SPOPL: variants seen among roughly 807,000 people sequenced by gnomAD.
The protein encoded by SPOPL is speckle type BTB/POZ protein like, also known as speckle-type POZ protein-like.
Under a neutral mutation model 53.8 loss-of-function variants are expected in SPOPL, and 23 were observed. That is an observed-to-expected ratio of 0.43 (90% CI 0.31 to 0.61). SPOPL has a LOEUF of 0.61. SPOPL is among the 20% of genes least tolerant of loss of function. The pLI is 0.12. For synonymous variants in SPOPL, 164 were observed against 149.7 expected (o/e 1.10, Z -0.70); for missense variants, 442 against 466.9 (o/e 0.95, Z 0.49).
chr2:138,555,131 GGT>G (rs61000380), intron 5 of SPOPL, among the ~76,000 whole-genome samples: 9,670 of 140,066 alleles, frequency 0.069, 643 homozygotes, highest in East Asian at 0.29. Flanking sequence ...AGGGTAGGAG[GGT>G]GTGTGTGTGT....
chr2:138,523,646 C>A (rs1684605826), intron 1 of SPOPL, among the ~76,000 whole-genome samples: 1 of 152,108 alleles, frequency 6.6e-6, no homozygotes, highest in African/African-American at 2.4e-5. Flanking sequence ...ATAGCTGTTC[C>A]AAATGGGAGA....
intron 1 of SPOPL, among the ~76,000 whole-genome samples, chr2:138,548,239 CTTTTTT>C (rs34021497): frequency 1.1e-5 from 1 of 89,016 alleles, no homozygotes; most frequent in Non-Finnish European, 2.3e-5. Flanking sequence ...TGAAGGTAAA[CTTTTTT>C]TTTTTTTTTT....
intron 5 of SPOPL, among the ~76,000 whole-genome samples, chr2:138,554,700 A>G (rs1029272513): frequency 4.6e-5 from 7 of 152,220 alleles, no homozygotes; most frequent in African/African-American, 1.7e-4. Flanking sequence ...TAAGTAGGAA[A>G]ACTAGAAAAC....
chr2:138,559,181 C>G lies in SPOPL; in HGVS notation c.640C>G (p.His214Asp). ...CGTGAGAGGACAAGAATTTAAAGCTCATAAATCTGTGCTTGCAGGTACTTT... is the reference window on the plus strand; with the variant it reads ...CGTGAGAGGACAAGAATTTAAAGCTGATAAATCTGTGCTTGCAGGTACTTT... ...FFVRGQEFKA[H>D]KSVLAARSPV... The change falls in exon 6 of 11, where the codon CAT becomes GAT. Residue 214 changes from histidine to aspartate, a missense_variant. Physicochemically the swap from His to Asp is moderately conservative, Grantham distance 81. Coordinates refer to ENST00000280098, the MANE Select transcript of SPOPL (RefSeq NM_001001664.3). The G allele has an allele frequency of 6.2e-7, 1 of 1,613,516 alleles. No individual in the cohort carries two copies. Among genetic ancestry groups the G allele is most frequent in the South Asian group, 1.1e-5 (1 of 91,010 alleles).
intron 1 of SPOPL, among the ~76,000 whole-genome samples, chr2:138,504,451 C>G (rs1684171038): frequency 6.6e-6 from 1 of 152,158 alleles, no homozygotes. Flanking sequence ...AAATAACTCC[C>G]CTAGAATCAG....
intron 1 of SPOPL, among the ~76,000 whole-genome samples, chr2:138,502,738 GT>G (rs1368657630): frequency 6.6e-6 from 1 of 152,096 alleles, no homozygotes; most frequent in Non-Finnish European, 1.5e-5. Context: ...GCGGTTCGGG[GT>G]CCAAGTCTTC....
intron 4 of SPOPL, 80 bp downstream of exon 4, chr2:138,551,134 G>C (rs540857068): frequency 6.6e-7 from 1 of 1,509,014 alleles, no homozygotes; most frequent in African/African-American, 1.4e-5. Context: ...ACCTAGAAAA[G>C]TCTGGGACTT....
chr2:138,560,755 G>A (rs1262037985), intron 7 of SPOPL, 50 bp from the exon 8 acceptor site: 5 of 1,538,308 alleles, frequency 3.3e-6, no homozygotes, highest in Non-Finnish European at 4.4e-6. Context: ...TGGTTCATTT[G>A]TGTGTACTTT....
chr2:138,567,993 A>G (rs1200799795), intron 10 of SPOPL, among the ~76,000 whole-genome samples: 2 of 152,124 alleles, frequency 1.3e-5, no homozygotes, highest in African/African-American at 4.8e-5. Context: ...GGAGGTAGGA[A>G]GTGGGGGGTA....
At chr2:138,561,863 G>GC (rs981516195) in intron 8 of SPOPL, among the ~76,000 whole-genome samples, 4 of 151,686 alleles carry the variant, frequency 2.6e-5, no homozygotes, top group African/African-American at 9.7e-5. Flanking sequence ...TTCAGCCCTT[G>GC]CCCCCCTCCC....
At chr2:138,554,142 G>C (rs954917217) in intron 5 of SPOPL, among the ~76,000 whole-genome samples, 1 of 139,504 alleles carries the variant, frequency 7.2e-6, no homozygotes, top group African/African-American at 2.7e-5. Flanking sequence ...CTGGAACCTA[G>C]ACAACCAAGA....
chr2:138,524,890 T>A (rs1684635860), intron 1 of SPOPL, among the ~76,000 whole-genome samples: 1 of 151,982 alleles, frequency 6.6e-6, no homozygotes, highest in Non-Finnish European at 1.5e-5. Context: ...TCCAGACTGT[T>A]CCAGTCTCTG....
intron 1 of SPOPL, among the ~76,000 whole-genome samples, chr2:138,530,401 C>T (rs980071555): frequency 1.8e-4 from 27 of 152,196 alleles, no homozygotes; most frequent in Admixed American, 1.4e-3. Flanking sequence ...TTTGAGGAAT[C>T]GCCACACTGT....
chr2:138,565,900 A>AT (rs1231308276), intron 10 of SPOPL, among the ~76,000 whole-genome samples: 2 of 151,700 alleles, frequency 1.3e-5, no homozygotes, highest in Non-Finnish European at 2.9e-5. Context: ...CACCTGGCTC[A>AT]TTTTTTTGTA....
chr2:138,542,786 A>T (rs886353534), intron 1 of SPOPL, among the ~76,000 whole-genome samples: 1 of 152,122 alleles, frequency 6.6e-6, no homozygotes, highest in Non-Finnish European at 1.5e-5. Context: ...TTATGATGTT[A>T]GCTGGTTATT....
At chr2:138,521,984 G>C (rs1684569025) in intron 1 of SPOPL, among the ~76,000 whole-genome samples, 1 of 152,186 alleles carries the variant, frequency 6.6e-6, no homozygotes. Flanking sequence ...TCAGCCTTCA[G>C]ACTAGAACAG....
intron 1 of SPOPL, among the ~76,000 whole-genome samples, chr2:138,545,476 C>T (rs1431630138): frequency 2.0e-5 from 3 of 151,986 alleles, no homozygotes; most frequent in East Asian, 3.9e-4. Context: ...CTCTGTCGCC[C>T]AGGCTGGAGT....
intron 1 of SPOPL, among the ~76,000 whole-genome samples, chr2:138,511,811 T>G (rs143053979): frequency 1.8e-4 from 28 of 152,334 alleles, no homozygotes; most frequent in Non-Finnish European, 3.5e-4. Context: ...AACGTAGGTC[T>G]GCTTTACTCC....
chr2:138,562,025 CA>C (rs1438574493), intron 8 of SPOPL, among the ~76,000 whole-genome samples: 1 of 152,082 alleles, frequency 6.6e-6, no homozygotes, highest in Non-Finnish European at 1.5e-5. Context: ...CAAAATATGC[CA>C]AAAGAAACTC....
Sources: gnomAD v4.1 joint callset for allele counts (sites outside exome capture counted in the v4.1 genomes callset) on GRCh38, gnomAD v4.1.1 for gene constraint, MANE v1.5 for transcripts, NCBI Gene and HGNC (gene_info 2026-07-23, HGNC 2026-07-21) for gene names.